TPTE: variants seen among roughly 807,000 people sequenced by gnomAD.
TPTE encodes the protein transmembrane phosphatase with tensin homology, also known as putative tyrosine-protein phosphatase TPTE.
A neutral mutation model predicts 84.1 loss-of-function variants in TPTE; 59 were observed. That is an observed-to-expected ratio of 0.70 (90% CI 0.57 to 0.87). TPTE has a LOEUF of 0.87. Among genes scored for constraint, TPTE ranks in the 40% least tolerant of loss-of-function variants. TPTE has a pLI of 0.00. For missense variants in TPTE, 382 were observed against 659.6 expected (o/e 0.58, Z 4.61); for synonymous variants, 130 against 223.5 (o/e 0.58, Z 3.73).
At chr21:10,532,086 A>AT (rs1432958868) in intron 3 of TPTE, among the ~76,000 whole-genome samples, 1 of 152,308 alleles carries the variant, frequency 6.6e-6, no homozygotes, top group East Asian at 1.9e-4. Context: ...GTTGACATAG[A>AT]TTTTGTAGTA....
chr21:10,560,489 C>T (rs928587546), intron 9 of TPTE, among the ~76,000 whole-genome samples: 12 of 152,300 alleles, frequency 7.9e-5, no homozygotes, highest in African/African-American at 2.9e-4. Context: ...CTTTAGAGTT[C>T]AAGACTCATG....
intron 8 of TPTE, among the ~76,000 whole-genome samples, chr21:10,552,943 A>G (rs970425384): frequency 7.2e-5 from 11 of 152,306 alleles, no homozygotes; most frequent in Non-Finnish European, 1.0e-4. Flanking sequence ...TAGCTTGAAA[A>G]TGTAAAAAGT....
intron 2 of TPTE, 120 bp downstream of exon 2, chr21:10,524,808 T>G (rs1008713289): frequency 2.0e-5 from 3 of 152,522 alleles, no homozygotes; most frequent in African/African-American, 7.2e-5. Flanking sequence ...GGTGGTAGAC[T>G]GAGAGCTTTG....
At chr21:10,572,909 AGGT>A in intron 14 of TPTE, among the ~76,000 whole-genome samples, 1 of 152,302 alleles carries the variant, frequency 6.6e-6, no homozygotes, top group East Asian at 1.9e-4. Context: ...TAAAAAAAAA[AGGT>A]GAAGAAAAGA....
At chr21:10,557,339 T>A (rs562104538) in intron 8 of TPTE, among the ~76,000 whole-genome samples, 1 of 152,306 alleles carries the variant, frequency 6.6e-6, no homozygotes, top group Non-Finnish European at 1.5e-5. Context: ...ACTCTTTTTT[T>A]AAGCAAAAAA....
At chr21:10,538,445 AG>A (rs1332627036) in intron 3 of TPTE, among the ~76,000 whole-genome samples, 1 of 152,310 alleles carries the variant, frequency 6.6e-6, no homozygotes, top group Non-Finnish European at 1.5e-5. Context: ...GTCATAATAA[AG>A]AGGTTTATTT....
intron 19 of TPTE, among the ~76,000 whole-genome samples, chr21:10,595,027 A>AGTTTT (rs763601675): frequency 1.3e-5 from 2 of 152,420 alleles, no homozygotes; most frequent in African/African-American, 4.8e-5. Context: ...TGAACTTATG[A>AGTTTT]GTTTTGTTTT....
rs2074386728 is a variant in TPTE, at chr21:10,542,456, A to G, written c.119+8A>G. On this transcript the variant is annotated splice_region_variant and intron_variant, in intron 6 of 23. Coordinates refer to ENST00000618007, the MANE Select transcript of TPTE (RefSeq NM_199261.4). The stretch of plus-strand genomic sequence containing the variant: ...GGCACCTGCGAAAGAAAGGTGAGCA[A>G]TAAATAGTTAAAGTCACCCGTCAGC... 2 of 1,610,374 alleles carry G rather than the reference A, an allele frequency of 1.2e-6. No individual in the cohort carries two copies. The highest frequency in any genetic ancestry group is 1.7e-6 in the Non-Finnish European group (2 of 1,177,472).
At position 10,556,037 on chromosome 21, in the gene TPTE, GCTA is replaced by G. The variant is rs1055703487; in HGVS notation, c.233+3324_233+3326del. ...GAATCATTTATTTACATTTTCACCT[GCTA>G]CTTTTTTTTATTATTATTATACTGT... On this transcript the variant is annotated intron_variant, in intron 8 of 23. Coordinates refer to ENST00000618007, the MANE Select transcript of TPTE (RefSeq NM_199261.4). Among the ~76,000 whole-genome samples, 6 of 152,214 alleles carry G rather than the reference GCTA, an allele frequency of 3.9e-5. No individual in the cohort carries two copies. In the East Asian group the frequency reaches 5.8e-4, roughly 15 times the overall value.
At chr21:10,536,436 A>C (rs963846399) in intron 3 of TPTE, among the ~76,000 whole-genome samples, 4 of 152,306 alleles carry the variant, frequency 2.6e-5, no homozygotes, top group African/African-American at 9.6e-5. Context: ...TTTAGCCTGC[A>C]TACAGAATTG....
At chr21:10,577,586 A>G in intron 15 of TPTE, 66 bp downstream of exon 15, 1 of 1,610,956 alleles carries the variant, frequency 6.2e-7, no homozygotes, top group Non-Finnish European at 8.5e-7. Context: ...TAAGAAGATG[A>G]TTTTGTTTTT....
intron 8 of TPTE, among the ~76,000 whole-genome samples, chr21:10,556,894 A>ATT (rs531292295): frequency 4.6e-5 from 7 of 151,856 alleles, no homozygotes; most frequent in Non-Finnish European, 7.4e-5. Context: ...GGGTTGTTTG[A>ATT]TTTTTTTCTT....
At chr21:10,542,529 C>CG in intron 6 of TPTE, 81 bp downstream of exon 6, 3 of 1,437,904 alleles carry the variant, frequency 2.1e-6, no homozygotes, top group Non-Finnish European at 2.9e-6. Context: ...AGCAAGTATA[C>CG]CCCATCCATC....
At chr21:10,594,477 G>A (rs1471552777) in intron 19 of TPTE, among the ~76,000 whole-genome samples, 4 of 152,306 alleles carry the variant, frequency 2.6e-5, no homozygotes, top group African/African-American at 9.6e-5. Flanking sequence ...TGCCTCCTAT[G>A]TGTTGGTTGT....
chr21:10,579,756 C>T (rs1226614783), intron 17 of TPTE, among the ~76,000 whole-genome samples: 3 of 152,298 alleles, frequency 2.0e-5, no homozygotes, highest in African/African-American at 7.2e-5. Flanking sequence ...TTATATATAC[C>T]ATATATTATT....
At chr21:10,551,485 A>C (rs2074572871) in intron 7 of TPTE, among the ~76,000 whole-genome samples, 1 of 152,312 alleles carries the variant, frequency 6.6e-6, no homozygotes, top group African/African-American at 2.4e-5. Flanking sequence ...AAAACTAGAA[A>C]ACTTTCAAAT....
At chr21:10,548,801 C>T (rs2145638641) in intron 7 of TPTE, among the ~76,000 whole-genome samples, 1 of 152,428 alleles carries the variant, frequency 6.6e-6, no homozygotes, top group South Asian at 2.1e-4. Context: ...GCCCTTCAGG[C>T]CACTCCTGGA....
intron 8 of TPTE, among the ~76,000 whole-genome samples, chr21:10,554,627 T>C (rs1194673202): frequency 6.6e-6 from 1 of 152,310 alleles, no homozygotes; most frequent in East Asian, 1.9e-4. Flanking sequence ...TGCTTTTCAC[T>C]ATATAAAAGC....
chr21:10,533,423 C>T lies in TPTE; in HGVS notation c.-43-5258C>T, dbSNP rs4041792. Among the ~76,000 whole-genome samples, 34 of 152,394 alleles carry T rather than the reference C, an allele frequency of 2.2e-4. No individual in the cohort carries two copies. The East Asian group carries it at 4.8e-3, about 22-fold the overall frequency. On this transcript the variant is annotated intron_variant, in intron 3 of 23. Transcript: ENST00000618007. The stretch of plus-strand genomic sequence containing the variant: ...TGTGTTCCAGTAGTTTTGCTACAGT[C>T]GGTATGTTGTTGTTCAGCTTGTTGT...
Sources: allele counts gnomAD v4.1 joint callset (sites outside exome capture counted in the v4.1 genomes callset), GRCh38; gene constraint gnomAD v4.1.1; transcripts MANE v1.5; gene names NCBI Gene and HGNC (gene_info 2026-07-23, HGNC 2026-07-21).